TRIR: variants seen among roughly 807,000 people sequenced by gnomAD.
TRIR encodes the protein telomerase RNA component interacting RNase.
TRIR carries 5 observed loss-of-function variants against 18.2 expected under a neutral mutation model. The observed-to-expected ratio is 0.27, with a 90% CI of 0.14 to 0.58. The LOEUF (loss-of-function observed/expected upper bound fraction) is 0.58, where lower values mean the gene tolerates loss of function less well. TRIR is among the 20% of genes least tolerant of loss of function. TRIR has a pLI of 0.91. For missense variants in TRIR, 206 were observed against 252.8 expected (o/e 0.81, Z 1.25); for synonymous variants, 134 against 114.4 (o/e 1.17, Z -1.10).
Position 12,731,581 on chromosome 19 carries a change from A to T in TRIR, c.346-160T>A. Reference sequence around the variant, plus strand: ...ACCTGCGCAGCAATCAGAGAGGAGCACACGCGACTCAGCGCCTGCCCTGGG... The same window carrying T: ...ACCTGCGCAGCAATCAGAGAGGAGCTCACGCGACTCAGCGCCTGCCCTGGG... On this transcript the variant is annotated intron_variant, in intron 1 of 2. Coordinates refer to ENST00000242784, the MANE Select transcript of TRIR (RefSeq NM_024038.4). This position sits in a 1 kb window ranked among gnomAD's most constrained non-coding sequence, Gnocchi z 5.1. 1.4e-6 allele frequency: 1 copy of T among 726,250 alleles called. No homozygotes were observed. The allele number at this position is 726,250 out of a possible 1,614,324, so 45.0% of individuals were successfully genotyped here.
At position 12,734,155 on chromosome 19, in the gene TRIR, T is replaced by C. The variant is rs932744176; in HGVS notation, c.345+158A>G. Reference sequence around the variant, plus strand: ...CCCCACTCCCGCCCCTAGACCCCAGTTGTCGGGAATCCAAGTTCCACACCC... The same window carrying C: ...CCCCACTCCCGCCCCTAGACCCCAGCTGTCGGGAATCCAAGTTCCACACCC... On this transcript the variant is annotated intron_variant, in intron 1 of 2. Transcript: ENST00000242784. The surrounding 1 kb of genome is among the most constrained non-coding windows in gnomAD (Gnocchi z 4.1). Among the ~76,000 whole-genome samples the C allele has an allele frequency of 3.3e-5, 5 of 152,134 alleles. No individual in the cohort carries two copies. The highest frequency in any genetic ancestry group is 5.9e-5 in the Non-Finnish European group (4 of 68,004).
Position 12,731,007 on chromosome 19 carries a change from G to A in TRIR, c.485C>T (p.Ala162Val). Residue 162 changes from alanine to valine, a missense_variant, in exon 3 of 3, where the codon GCT becomes GTT. This residue lies in a region of TRIR where 34 missense variants were observed against 87.8 expected (regional missense o/e 0.39). Coordinates refer to ENST00000242784, the MANE Select transcript of TRIR (RefSeq NM_024038.4). The surrounding 1 kb of genome is among the most constrained non-coding windows in gnomAD (Gnocchi z 5.1). The stretch of plus-strand genomic sequence containing the variant: ...TTTATCATCGTCACCGCACTGGTGA[G>A]CTTTGTACTTTTTCACTTCTGCCAT... ...KYMAEVKKYK[A>V]HQCGDDDKTR... 6.2e-7 allele frequency: 1 copy of A among 1,614,084 alleles called. No individual in the cohort carries two copies. The highest frequency in any genetic ancestry group is 8.5e-7 in the Non-Finnish European group (1 of 1,180,032).
chr19:12,732,966 C>G (rs1201658729), intron 1 of TRIR, among the ~76,000 whole-genome samples: 1 of 152,032 alleles, frequency 6.6e-6, no homozygotes, highest in Admixed American at 6.6e-5. Context: ...CGCAGTGGTG[C>G]AATCATGGCT....
Position 12,734,277 on chromosome 19 carries a change from G to T in TRIR, c.345+36C>A. The T allele has an allele frequency of 7.2e-7, 1 of 1,380,936 alleles. No homozygotes were observed. 85.5% of individuals were successfully genotyped at this position (1,380,936 alleles called of 1,614,324 possible). ...GCCCCGACTCCCGCTGCCAAGACAGGCCGTGGCGCCCGCCCCCACCCCCAC... is the reference window on the plus strand; with the variant it reads ...GCCCCGACTCCCGCTGCCAAGACAGTCCGTGGCGCCCGCCCCCACCCCCAC... On this transcript the variant is annotated intron_variant, in intron 1 of 2. Coordinates refer to ENST00000242784, the MANE Select transcript of TRIR (RefSeq NM_024038.4). This position sits in a 1 kb window ranked among gnomAD's most constrained non-coding sequence, Gnocchi z 4.1.
chr19:12,733,904 A>C (rs1014401520), intron 1 of TRIR, among the ~76,000 whole-genome samples: 1 of 152,240 alleles, frequency 6.6e-6, no homozygotes, highest in Admixed American at 6.5e-5. Context: ...CAATTGTCCT[A>C]GATAAGTAAT....
chr19:12,732,545 T>G (rs1967451955), intron 1 of TRIR, among the ~76,000 whole-genome samples: 1 of 151,974 alleles, frequency 6.6e-6, no homozygotes, highest in Non-Finnish European at 1.5e-5. Context: ...GCTCCAACAG[T>G]CTTCACAGAC....
intron 1 of TRIR, among the ~76,000 whole-genome samples, chr19:12,732,367 A>G (rs1967447130): frequency 6.6e-6 from 1 of 151,998 alleles, no homozygotes; most frequent in Non-Finnish European, 1.5e-5. Flanking sequence ...AAAAAGATGC[A>G]ACGACGACTG....
chr19:12,733,092 A>T (rs1443855056), intron 1 of TRIR, among the ~76,000 whole-genome samples: 1 of 151,788 alleles, frequency 6.6e-6, no homozygotes, highest in African/African-American at 2.4e-5. Context: ...TTTTTTTTGT[A>T]GAGATGCATT....
rs1024117005 is a variant in TRIR at position 12,731,730 on chromosome 19, C to T, written c.346-309G>A. 3.4e-5 allele frequency: 14 copies of T among 412,574 alleles called. No homozygotes were observed. The highest frequency in any genetic ancestry group is 6.1e-5 in the Non-Finnish European group (14 of 228,140). The allele number at this position is 412,574 out of a possible 1,614,324, so 25.6% of individuals were successfully genotyped here. On this transcript the variant is annotated intron_variant, in intron 1 of 2. Coordinates refer to ENST00000242784, the MANE Select transcript of TRIR (RefSeq NM_024038.4). The surrounding 1 kb of genome is among the most constrained non-coding windows in gnomAD (Gnocchi z 5.1). Reference sequence around the variant, plus strand: ...GACCACAAGAGGTGGCAACAGCTCCCTTTATTGAGCATGTACTGTATGCCA... The same window carrying T: ...GACCACAAGAGGTGGCAACAGCTCCTTTTATTGAGCATGTACTGTATGCCA...
chr19:12,733,729 T>C (rs1332336513), intron 1 of TRIR, among the ~76,000 whole-genome samples: 2 of 152,224 alleles, frequency 1.3e-5, no homozygotes, highest in Middle Eastern at 3.4e-3. Flanking sequence ...TGATGTCTAT[T>C]TTTGCAACTA....
At position 12,734,129 on chromosome 19, in the gene TRIR, T is replaced by A. The variant is rs1167707978; in HGVS notation, c.345+184A>T. ...AGTTCCCACGGGCAAGCTCCTGGAG[T>A]CCCCACTCCCGCCCCTAGACCCCAG... is the stretch of plus-strand genomic sequence containing the variant. On this transcript the variant is annotated intron_variant, in intron 1 of 2. Coordinates refer to ENST00000242784, the MANE Select transcript of TRIR (RefSeq NM_024038.4). The surrounding 1 kb of genome is among the most constrained non-coding windows in gnomAD (Gnocchi z 4.1). Among the ~76,000 whole-genome samples the A allele has an allele frequency of 6.6e-6, 1 of 151,956 alleles. No individual in the cohort carries two copies. Among genetic ancestry groups the A allele is most frequent in the Non-Finnish European group, 1.5e-5 (1 of 67,984 alleles).
In TRIR at chr19:12,734,296, C is replaced by T; in HGVS notation, c.345+17G>A. 1 of 1,388,144 alleles carries T rather than the reference C, an allele frequency of 7.2e-7. No individual in the cohort carries two copies. 86.0% of individuals were successfully genotyped at this position (1,388,144 alleles called of 1,614,324 possible). On this transcript the variant is annotated intron_variant, in intron 1 of 2. Transcript: ENST00000242784. The surrounding 1 kb of genome is among the most constrained non-coding windows in gnomAD (Gnocchi z 4.1). ...AGACAGGCCGTGGCGCCCGCCCCCA[C>T]CCCCACGGCTCCTTACGAAGCTAAG... is the stretch of plus-strand genomic sequence containing the variant.
intron 1 of TRIR, among the ~76,000 whole-genome samples, chr19:12,733,416 G>A (rs887640970): frequency 4.6e-5 from 7 of 152,176 alleles, no homozygotes; most frequent in Non-Finnish European, 7.3e-5. Context: ...TTAATCCAGA[G>A]TTTCTCAACC....
At position 12,734,250 on chromosome 19, in the gene TRIR, G is replaced by C. The variant is rs1461399312; in HGVS notation, c.345+63C>G. 1 of 1,347,838 alleles carries C rather than the reference G, an allele frequency of 7.4e-7. No homozygotes were observed. Among genetic ancestry groups the C allele is most frequent in the Non-Finnish European group, 9.6e-7 (1 of 1,043,850 alleles). 83.5% of individuals were successfully genotyped at this position (1,347,838 alleles called of 1,614,324 possible). A position where few individuals can be genotyped will look rare whatever the true frequency, so the allele number is the denominator to read the frequency against. ...GACTTCGGTCCCGATCCCCCTTCAC[G>C]GGCCCCGACTCCCGCTGCCAAGACA... On this transcript the variant is annotated intron_variant, in intron 1 of 2. Coordinates refer to ENST00000242784, the MANE Select transcript of TRIR (RefSeq NM_024038.4). The surrounding 1 kb of genome is among the most constrained non-coding windows in gnomAD (Gnocchi z 4.1).
chr19:12,733,310 A>G (rs1967468824), intron 1 of TRIR, among the ~76,000 whole-genome samples: 1 of 152,204 alleles, frequency 6.6e-6, no homozygotes, highest in African/African-American at 2.4e-5. Flanking sequence ...CAGTCTTGTT[A>G]TTCTCAACAC....
chr19:12,731,521 G>T lies in TRIR; in HGVS notation c.346-100C>A. ...CCTTCCTAGCCCGGCCTGGTGGCCCGTCCTGACGCCGCGCCCAGCTCCGCC... is the reference window on the plus strand; with the variant it reads ...CCTTCCTAGCCCGGCCTGGTGGCCCTTCCTGACGCCGCGCCCAGCTCCGCC... On this transcript the variant is annotated intron_variant, in intron 1 of 2. Coordinates refer to ENST00000242784, the MANE Select transcript of TRIR (RefSeq NM_024038.4). This position sits in a 1 kb window ranked among gnomAD's most constrained non-coding sequence, Gnocchi z 5.1. 7.7e-7 allele frequency: 1 copy of T among 1,298,116 alleles called. No individual in the cohort carries two copies. Among genetic ancestry groups the T allele is most frequent in the Non-Finnish European group, 1.1e-6 (1 of 946,276 alleles). 80.4% of individuals were successfully genotyped at this position (1,298,116 alleles called of 1,614,324 possible).
rs569926020 is a variant in TRIR at position 12,731,849 on chromosome 19, G to A, written c.346-428C>T. 10 of 165,484 alleles carry A rather than the reference G, an allele frequency of 6.0e-5. No homozygotes were observed. The highest frequency in any genetic ancestry group is 1.1e-4 in the Non-Finnish European group (8 of 75,516). 10.3% of individuals were successfully genotyped at this position (165,484 alleles called of 1,614,324 possible). A position where few individuals can be genotyped will look rare whatever the true frequency, so the allele number is the denominator to read the frequency against. On this transcript the variant is annotated intron_variant, in intron 1 of 2. Coordinates refer to ENST00000242784, the MANE Select transcript of TRIR (RefSeq NM_024038.4). The surrounding 1 kb of genome is among the most constrained non-coding windows in gnomAD (Gnocchi z 5.1). The stretch of plus-strand genomic sequence containing the variant: ...AGAACCACCCCCTTTTTGACCAGGC[G>A]CGGTGGCTCAGGCCTGTAATCCCAG...
chr19:12,731,170 G>T lies in TRIR; in HGVS notation c.424-102C>A. 2 of 1,287,886 alleles carry T rather than the reference G, an allele frequency of 1.6e-6. No homozygotes were observed. Among genetic ancestry groups the T allele is most frequent in the Non-Finnish European group, 2.3e-6 (2 of 887,226 alleles). The allele number at this position is 1,287,886 out of a possible 1,614,324, so 79.8% of individuals were successfully genotyped here. On this transcript the variant is annotated intron_variant, in intron 2 of 2. Transcript: ENST00000242784. The surrounding 1 kb of genome is among the most constrained non-coding windows in gnomAD (Gnocchi z 5.1). ...TCCCAGTGTCACCCAGAAGACTCTG[G>T]GTTTGAGCTGAAGATTATAAAGTCA...
In TRIR at chr19:12,734,620, C is replaced by G. The variant is rs963406662; in HGVS notation, c.38G>C (p.Arg13Pro). Residue 13 changes from arginine to proline, a missense_variant, in exon 1 of 3, where the codon CGG (arginine) becomes CCG (proline). Around this residue, in one of 2 missense-constraint regions of TRIR, gnomAD observed 172 missense variants for 165.0 expected, o/e 1.04. Coordinates refer to ENST00000242784, the MANE Select transcript of TRIR (RefSeq NM_024038.4). The surrounding 1 kb of genome is among the most constrained non-coding windows in gnomAD (Gnocchi z 4.1). ...ACCGCCCGCGGGGCCCGGAGCCTCCCGGCCCTGAGGCTCCGCCCGTCTCCC... is the reference window on the plus strand; with the variant it reads ...ACCGCCCGCGGGGCCCGGAGCCTCCGGGCCCTGAGGCTCCGCCCGTCTCCC... Reference protein sequence around the residue: ...ARGRRAEPQGREAPGPAGGGG... With the variant: ...ARGRRAEPQGPEAPGPAGGGG... 6.6e-7 allele frequency: 1 copy of G among 1,515,794 alleles called. No individual in the cohort carries two copies. Among genetic ancestry groups the G allele is most frequent in the Non-Finnish European group, 8.8e-7 (1 of 1,138,548 alleles). The allele number at this position is 1,515,794 out of a possible 1,614,324, so 93.9% of individuals were successfully genotyped here.
Sources: gnomAD v4.1 joint callset for allele counts (sites outside exome capture counted in the v4.1 genomes callset) on GRCh38, gnomAD v4.1.1 for gene constraint, gnomAD v4.1.1 regional missense constraint, Gnocchi (gnomAD v3.1) non-coding constraint, MANE v1.5 for transcripts, NCBI Gene and HGNC (gene_info 2026-07-23, HGNC 2026-07-21) for gene names.